SYN3: variants seen among roughly 807,000 people sequenced by gnomAD.
The protein encoded by SYN3 is synapsin-3.
A neutral mutation model predicts 65.8 loss-of-function variants in SYN3; 35 were observed. That is an observed-to-expected ratio of 0.53 (90% CI 0.41 to 0.70). SYN3 has a LOEUF of 0.70. Ranked by LOEUF, SYN3 falls within the 30% of genes least tolerant of loss-of-function variation. The pLI, the probability that SYN3 is intolerant of heterozygous loss-of-function variation, is 0.00. For missense variants in SYN3, 680 were observed against 749.0 expected (o/e 0.91, Z 1.08); for synonymous variants, 270 against 292.9 (o/e 0.92, Z 0.80).
Position 33,058,295 on chromosome 22 carries a change from G to A in SYN3, c.-166C>T, listed in dbSNP as rs2054285880. 1 of 151,756 alleles carries A rather than the reference G, an allele frequency of 6.6e-6. No individual in the cohort carries two copies. The highest frequency in any genetic ancestry group is 2.0e-4 in the East Asian group (1 of 5,110). 9.4% of individuals were successfully genotyped at this position (151,756 alleles called of 1,614,324 possible). A position where few individuals can be genotyped will look rare whatever the true frequency, so the allele number is the denominator to read the frequency against. ...TTTGCGGCGCCGCGCCGCTTACCGT[G>A]CGAGCCGCCAGGAACTCGGCGCCCG... On this transcript the variant is annotated 5_prime_UTR_variant, in exon 1 of 14. Transcript: ENST00000358763.
intron 1 of SYN3, among the ~76,000 whole-genome samples, chr22:33,028,997 G>A (rs1293006817): frequency 2.0e-5 from 3 of 151,348 alleles, no homozygotes; most frequent in Non-Finnish European, 4.4e-5. Flanking sequence ...CCAAGATCCC[G>A]CCACAGCACT....
chr22:32,713,064 C>G (rs1045446856), intron 6 of SYN3, among the ~76,000 whole-genome samples: 2 of 151,942 alleles, frequency 1.3e-5, no homozygotes, highest in African/African-American at 4.8e-5. Context: ...CTTTTTTGGT[C>G]TATCACTGTA....
intron 6 of SYN3, among the ~76,000 whole-genome samples, chr22:32,600,461 C>T (rs1240949876): frequency 6.6e-6 from 1 of 152,144 alleles, no homozygotes; most frequent in Non-Finnish European, 1.5e-5. Context: ...TGGACCTGTA[C>T]TGGTCTGTGG....
At chr22:32,849,318 C>T (rs559932796) in intron 6 of SYN3, 19 of 737,384 alleles carry the variant, frequency 2.6e-5, no homozygotes, top group Non-Finnish European at 3.9e-5. Context: ...TAAACACAAT[C>T]ATCTATTCCA....
chr22:32,700,014 T>C (rs1382986701), intron 6 of SYN3, among the ~76,000 whole-genome samples: 3 of 152,188 alleles, frequency 2.0e-5, no homozygotes, highest in Admixed American at 2.0e-4. Context: ...TATTATACAA[T>C]GAATCTCAGG....
At chr22:32,897,069 T>G (rs1353228987) in intron 4 of SYN3, among the ~76,000 whole-genome samples, 1 of 151,970 alleles carries the variant, frequency 6.6e-6, no homozygotes, top group African/African-American at 2.4e-5. Context: ...TCCCTTTGAG[T>G]CTCTAAAGTT....
chr22:32,596,727 G>C lies in SYN3; in HGVS notation c.721C>G (p.Pro241Ala), dbSNP rs2059205920. The C allele has an allele frequency of 1.2e-6, 2 of 1,613,760 alleles. No individual in the cohort carries two copies. The highest frequency in any genetic ancestry group is 1.7e-6 in the Non-Finnish European group (2 of 1,179,890). ...FPNHKPMVTA[P>A]HFPVVVKLGH... The stretch of plus-strand genomic sequence containing the variant: ...AGCTTGACTACCACCGGGAAGTGTG[G>C]GGCTGTGACCTGAAAGAGACAAGAA... The change falls in exon 7 of 14, where the codon CCA (proline) becomes GCA (alanine). Residue 241 changes from proline to alanine, a missense_variant. Coordinates refer to ENST00000358763, the MANE Select transcript of SYN3 (RefSeq NM_003490.4).
chr22:32,942,199 T>A (rs903736102), intron 3 of SYN3, among the ~76,000 whole-genome samples: 2 of 152,074 alleles, frequency 1.3e-5, no homozygotes, highest in Non-Finnish European at 2.9e-5. Flanking sequence ...CACCCCCAAG[T>A]AGGGGCAGAC....
At chr22:32,785,994 A>AAAGAAG (rs145422279) in intron 6 of SYN3, among the ~76,000 whole-genome samples, 3 of 145,186 alleles carry the variant, frequency 2.1e-5, no homozygotes, top group Non-Finnish European at 3.0e-5. Flanking sequence ...AAACCACTTC[A>AAAGAAG]AAGAAGAAGA....
chr22:32,758,155 A>T (rs2045349971), intron 6 of SYN3, among the ~76,000 whole-genome samples: 1 of 152,184 alleles, frequency 6.6e-6, no homozygotes, highest in Non-Finnish European at 1.5e-5. Flanking sequence ...TTTATGTAAT[A>T]GTATTTAGGT....
intron 4 of SYN3, among the ~76,000 whole-genome samples, chr22:32,918,410 T>C (rs1440758010): frequency 6.6e-6 from 1 of 152,214 alleles, no homozygotes; most frequent in East Asian, 1.9e-4. Context: ...GAGAACCTGA[T>C]ATGTGATATG....
intron 7 of SYN3, among the ~76,000 whole-genome samples, chr22:32,579,084 C>A (rs966589799): frequency 6.6e-6 from 1 of 152,214 alleles, no homozygotes; most frequent in Non-Finnish European, 1.5e-5. Context: ...GGAGCTATGT[C>A]TTTTTCATCT....
intron 6 of SYN3, among the ~76,000 whole-genome samples, chr22:32,631,029 C>T (rs1211412161): frequency 2.6e-5 from 4 of 152,130 alleles, no homozygotes; most frequent in South Asian, 4.1e-4. Context: ...TGTGGTGGCT[C>T]ACGCCTGTAA....
intron 6 of SYN3, among the ~76,000 whole-genome samples, chr22:32,705,478 T>C (rs1406362381): frequency 1.3e-5 from 2 of 152,240 alleles, no homozygotes; most frequent in Non-Finnish European, 2.9e-5. Flanking sequence ...TAGTTTGAAG[T>C]CAGGTAGTGT....
intron 6 of SYN3, among the ~76,000 whole-genome samples, chr22:32,736,640 A>G (rs1306332034): frequency 6.6e-6 from 1 of 152,232 alleles, no homozygotes; most frequent in Non-Finnish European, 1.5e-5. Flanking sequence ...CAAAAAAATT[A>G]AAACCTACAT....
At chr22:33,046,679 A>G (rs1474608167) in intron 1 of SYN3, among the ~76,000 whole-genome samples, 4 of 151,920 alleles carry the variant, frequency 2.6e-5, no homozygotes, top group African/African-American at 7.3e-5. Flanking sequence ...TGTCTTTACT[A>G]AAAATACAAA....
At chr22:32,672,131 CT>C (rs2060380285) in intron 6 of SYN3, among the ~76,000 whole-genome samples, 2 of 152,146 alleles carry the variant, frequency 1.3e-5, no homozygotes, top group Non-Finnish European at 2.9e-5. Flanking sequence ...GGCCAGCAGG[CT>C]GGATGTGTCC....
At chr22:32,857,752 T>C (rs545739960) in intron 6 of SYN3, among the ~76,000 whole-genome samples, 3 of 151,946 alleles carry the variant, frequency 2.0e-5, no homozygotes, top group Non-Finnish European at 2.9e-5. Context: ...GAGTGAAGAG[T>C]TGGCCTCTAG....
At chr22:32,694,564 T>G (rs1384333606) in intron 6 of SYN3, among the ~76,000 whole-genome samples, 1 of 152,210 alleles carries the variant, frequency 6.6e-6, no homozygotes, top group African/African-American at 2.4e-5. Context: ...TGGCCCTCCA[T>G]GTCCCTTAGT....
Sources: gnomAD v4.1 joint callset for allele counts (sites outside exome capture counted in the v4.1 genomes callset) on GRCh38, gnomAD v4.1.1 for gene constraint, MANE v1.5 for transcripts, NCBI Gene and HGNC (gene_info 2026-07-23, HGNC 2026-07-21) for gene names.